The following CCND2 variants were observed in gnomAD, a reference collection of about 807,000 sequenced individuals.
CCND2 encodes the protein cyclin D2, also known as G1/S-specific cyclin-D2.
Under a neutral mutation model 30.2 loss-of-function variants are expected in CCND2, and 6 were observed. That is an observed-to-expected ratio of 0.20 (90% CI 0.11 to 0.39). The LOEUF (loss-of-function observed/expected upper bound fraction) is 0.39. CCND2 is among the 10% of genes least tolerant of loss of function. CCND2 has a pLI of 1.00. For synonymous variants in CCND2, 150 were observed against 153.1 expected (o/e 0.98, Z 0.15); for missense variants, 235 against 373.4 (o/e 0.63, Z 3.06).
chr12:4,294,064 TC>T (rs1864134715), intron 4 of CCND2, among the ~76,000 whole-genome samples: 1 of 152,124 alleles, frequency 6.6e-6, no homozygotes. Flanking sequence ...CAGCCCTTTG[TC>T]CCCCTGTTGA....
intron 4 of CCND2, among the ~76,000 whole-genome samples, chr12:4,296,701 TG>T (rs549510616): frequency 0.17 from 3,842 of 23,134 alleles, 57 homozygotes; most frequent in Middle Eastern, 0.29. Context: ...CTCTGCCTCT[TG>T]GGGAAAAAAA....
At chr12:4,296,638 G>A (rs3217906) in intron 4 of CCND2, among the ~76,000 whole-genome samples, 113,947 of 151,772 alleles carry the variant, frequency 0.75, 42,967 homozygotes, top group East Asian at 0.93. Context: ...ATTCAGTTGG[G>A]AACAAGTATA....
chr12:4,284,734 TTTTC>T (rs979530257), intron 3 of CCND2, among the ~76,000 whole-genome samples: 5 of 109,508 alleles, frequency 4.6e-5, no homozygotes, highest in Non-Finnish European at 9.2e-5. Flanking sequence ...TTTTTTTTTC[TTTTC>T]TTTTTCTTTT....
chr12:4,292,842 A>G (rs1423947738), intron 4 of CCND2, among the ~76,000 whole-genome samples: 1 of 152,164 alleles, frequency 6.6e-6, no homozygotes, highest in Non-Finnish European at 1.5e-5. Context: ...CCCGGTGACC[A>G]TGGCCCTGCT....
intron 4 of CCND2, among the ~76,000 whole-genome samples, chr12:4,296,625 G>A (rs1328361575): frequency 6.6e-6 from 1 of 152,066 alleles, no homozygotes. Context: ...TCCATGGACA[G>A]GTATTCAGTT....
In CCND2 at chr12:4,301,323, A is replaced by T; in HGVS notation, c.*1314A>T. On this transcript the variant is annotated 3_prime_UTR_variant, in exon 5 of 5. Transcript: ENST00000261254. ...CTGGTGCAAAGATAGATGGCTGAAC[A>T]TCAGGGTGTGGCATTTTGTTCCCTT... The T allele has an allele frequency of 4.3e-6, 1 of 231,282 alleles. No homozygotes were observed. Among genetic ancestry groups the T allele is most frequent in the Non-Finnish European group, 8.5e-6 (1 of 117,790 alleles). The allele number at this position is 231,282 out of a possible 1,614,324, so 14.3% of individuals were successfully genotyped here.
Position 4,276,988 on chromosome 12 carries a change from G to A in CCND2, c.411+768G>A, listed in dbSNP as rs1401884677. On this transcript the variant is annotated intron_variant, in intron 2 of 4. Coordinates refer to ENST00000261254, the MANE Select transcript of CCND2 (RefSeq NM_001759.4). The surrounding 1 kb of genome is among the most constrained non-coding windows in gnomAD (Gnocchi z 4.8). ...TGCACACCCCTCTTTGCACTGTTCA[G>A]AAAAGCACCCCCTCCTTCCCGCCCC... Among the ~76,000 whole-genome samples, 2 of 152,204 alleles carry A rather than the reference G, an allele frequency of 1.3e-5. No homozygotes were observed. The highest frequency in any genetic ancestry group is 2.9e-5 in the Non-Finnish European group (2 of 68,034).
intron 3 of CCND2, among the ~76,000 whole-genome samples, chr12:4,280,159 A>T (rs963277814): frequency 4.2e-5 from 6 of 144,200 alleles, no homozygotes. Flanking sequence ...TTAAAATCAG[A>T]AAGAGGTGAT....
chr12:4,280,950 C>A (rs920004316), intron 3 of CCND2, among the ~76,000 whole-genome samples: 1 of 152,218 alleles, frequency 6.6e-6, no homozygotes, highest in Admixed American at 6.5e-5. Flanking sequence ...CCATCCCCCA[C>A]CCGTGGCCTT....
Position 4,300,243 on chromosome 12 carries a change from C to A in CCND2, c.*234C>A. On this transcript the variant is annotated 3_prime_UTR_variant, in exon 5 of 5. Coordinates refer to ENST00000261254, the MANE Select transcript of CCND2 (RefSeq NM_001759.4). ...AGCATAAGGGAATCCCTTGTATATG[C>A]GAACAGTTATTGTTTGATTATGTAA... The A allele has an allele frequency of 2.3e-6, 1 of 442,772 alleles. No individual in the cohort carries two copies. The highest frequency in any genetic ancestry group is 4.0e-6 in the Non-Finnish European group (1 of 247,446). The allele number at this position is 442,772 out of a possible 1,614,324, so 27.4% of individuals were successfully genotyped here. A position where few individuals can be genotyped will look rare whatever the true frequency, so the allele number is the denominator to read the frequency against.
Position 4,276,335 on chromosome 12 carries a change from C to T in CCND2, c.411+115C>T, listed in dbSNP as rs1008084448. Reference sequence around the variant, plus strand: ...ATTCTTGGGATCCAGAATGACCCCACCAATAGAATTTACCCACTTATGGGC... The same window carrying T: ...ATTCTTGGGATCCAGAATGACCCCATCAATAGAATTTACCCACTTATGGGC... On this transcript the variant is annotated intron_variant, in intron 2 of 4. Coordinates refer to ENST00000261254, the MANE Select transcript of CCND2 (RefSeq NM_001759.4). This position sits in a 1 kb window ranked among gnomAD's most constrained non-coding sequence, Gnocchi z 4.8. 4.9e-6 allele frequency: 4 copies of T among 812,058 alleles called. No individual in the cohort carries two copies. The African/African-American group carries it at 6.9e-5, about 14-fold the overall frequency. The allele number at this position is 812,058 out of a possible 1,614,324, so 50.3% of individuals were successfully genotyped here.
At chr12:4,294,783 C>G (rs1044573944) in intron 4 of CCND2, among the ~76,000 whole-genome samples, 1 of 152,194 alleles carries the variant, frequency 6.6e-6, no homozygotes, top group Admixed American at 6.5e-5. Context: ...CCTCCAAATT[C>G]TCCAAGTCTG....
intron 3 of CCND2, 50 bp downstream of exon 3, chr12:4,278,969 G>A (rs2120532519): frequency 6.4e-7 from 1 of 1,564,036 alleles, no homozygotes; most frequent in Non-Finnish European, 8.7e-7. Flanking sequence ...TCTTTTGGGA[G>A]ATGTCCGGGG....
Position 4,276,323 on chromosome 12 carries a change from A to C in CCND2, c.411+103A>C. 1 of 905,434 alleles carries C rather than the reference A, an allele frequency of 1.1e-6. No individual in the cohort carries two copies. The highest frequency in any genetic ancestry group is 1.7e-6 in the Non-Finnish European group (1 of 587,992). The allele number at this position is 905,434 out of a possible 1,614,324, so 56.1% of individuals were successfully genotyped here. On this transcript the variant is annotated intron_variant, in intron 2 of 4. Transcript: ENST00000261254. This position sits in a 1 kb window ranked among gnomAD's most constrained non-coding sequence, Gnocchi z 4.8. ...CTGCCAGAGCAAATTCTTGGGATCC[A>C]GAATGACCCCACCAATAGAATTTAC... is the stretch of plus-strand genomic sequence containing the variant.
intron 2 of CCND2, 71 bp from the exon 3 acceptor site, chr12:4,278,689 C>A: frequency 6.5e-7 from 1 of 1,544,860 alleles, no homozygotes; most frequent in Non-Finnish European, 8.9e-7. Context: ...GGAGCCCAAC[C>A]CCCAGCCCCC....
intron 1 of CCND2, 90 bp from the exon 2 acceptor site, chr12:4,275,915 C>T (rs995287593): frequency 1.7e-5 from 14 of 813,964 alleles, no homozygotes; most frequent in African/African-American, 1.5e-4. Context: ...TTTTTTGTTT[C>T]GATAGATTAC....
chr12:4,286,738 A>G (rs1864028504), intron 3 of CCND2, among the ~76,000 whole-genome samples: 2 of 152,346 alleles, frequency 1.3e-5, no homozygotes, highest in South Asian at 4.1e-4. Context: ...TGTTCCCCCT[A>G]TGCCTGCTGG....
rs190265003 is a variant in CCND2 at position 4,282,674 on chromosome 12, C to G, written c.571+3755C>G. Among the ~76,000 whole-genome samples, 1 of 152,200 alleles carries G rather than the reference C, an allele frequency of 6.6e-6. No homozygotes were observed. Among genetic ancestry groups the G allele is most frequent in the Admixed American group, 6.5e-5 (1 of 15,284 alleles). ...AGCCAGGCAGTGTGGTGCTTGCCAT[C>G]GCTCTTCCCTCTGGCTGTAAGATGA... On this transcript the variant is annotated intron_variant, in intron 3 of 4. Coordinates refer to ENST00000261254, the MANE Select transcript of CCND2 (RefSeq NM_001759.4). The surrounding 1 kb of genome is among the most constrained non-coding windows in gnomAD (Gnocchi z 4.3).
rs1407838039 is a variant in CCND2, at chr12:4,293,223, T to G, written c.720+4233T>G. The stretch of plus-strand genomic sequence containing the variant: ...GTAGGTTAAATGAAGTGGCTTCATT[T>G]TCATATGACACAGTTGCACAAATTC... On this transcript the variant is annotated intron_variant, in intron 4 of 4. Transcript: ENST00000261254. This position sits in a 1 kb window ranked among gnomAD's most constrained non-coding sequence, Gnocchi z 4.9. Among the ~76,000 whole-genome samples the G allele has an allele frequency of 2.0e-5, 3 of 152,206 alleles. No homozygotes were observed. The highest frequency in any genetic ancestry group is 7.2e-5 in the African/African-American group (3 of 41,452).
Sources: allele counts gnomAD v4.1 joint callset (sites outside exome capture counted in the v4.1 genomes callset), GRCh38; gene constraint gnomAD v4.1.1; non-coding constraint Gnocchi (gnomAD v3.1); transcripts MANE v1.5; gene names NCBI Gene and HGNC (gene_info 2026-07-23, HGNC 2026-07-21).